LETM2: variants seen among roughly 807,000 people sequenced by gnomAD.
LETM2 encodes LETM1 domain-containing protein LETM2, mitochondrial.
A neutral mutation model predicts 59.6 loss-of-function variants in LETM2; 58 were observed. The ratio of observed to expected loss-of-function variants is 0.97; its 90% CI spans 0.79 to 1.21. LETM2 has a LOEUF of 1.21. Among genes scored for constraint, LETM2 ranks in the 50% most tolerant of loss-of-function variants. The pLI is 0.00. For synonymous variants in LETM2, 199 were observed against 214.1 expected (o/e 0.93, Z 0.62); for missense variants, 572 against 575.7 (o/e 0.99, Z 0.07).
At chr8:38,387,924 A>G in intron 1 of LETM2, 26 bp from the exon 2 acceptor site, 1 of 901,920 alleles carries the variant, frequency 1.1e-6, no homozygotes, top group Non-Finnish European at 1.7e-6. Flanking sequence ...AAACTACTAA[A>G]TTGTTTACTT....
chr8:38,386,515 C>G lies in LETM2; in HGVS notation c.-88C>G, dbSNP rs1198196629. 6.6e-6 allele frequency: 1 copy of G among 152,254 alleles called. No individual in the cohort carries two copies. Among genetic ancestry groups the G allele is most frequent in the African/African-American group, 2.4e-5 (1 of 41,420 alleles). The allele number at this position is 152,254 out of a possible 1,614,324, so 9.4% of individuals were successfully genotyped here. A position where few individuals can be genotyped will look rare whatever the true frequency, so the allele number is the denominator to read the frequency against. On this transcript the variant is annotated 5_prime_UTR_variant, in exon 1 of 11. Coordinates refer to ENST00000379957, the MANE Select transcript of LETM2 (RefSeq NM_001286819.2). ...TCGGGCCCTTCTAGCTTGGGGGTCC[C>G]GGGAAGGAGCTGGGAGGACCTAGGC...
chr8:38,382,460 G>C (rs751796291), upstream of LETM2: 1 of 152,416 alleles, frequency 6.6e-6, no homozygotes, highest in Non-Finnish European at 1.5e-5. This position sits in a 1 kb window ranked among gnomAD's most constrained non-coding sequence, Gnocchi z 4.2. Flanking sequence ...GCGTCTGGAC[G>C]ACTAGGGAGA....
rs1813509964 is a variant in LETM2 at position 38,404,289 on chromosome 8, G to A, written c.1105-104G>A. Reference sequence around the variant, plus strand: ...ATCACCTGAGCGGCTTGGCGGAAAGGGCGGGGGCGGTGGGAAGCTGTCAGC... The same window carrying A: ...ATCACCTGAGCGGCTTGGCGGAAAGAGCGGGGGCGGTGGGAAGCTGTCAGC... On this transcript the variant is annotated intron_variant, in intron 7 of 10. Coordinates refer to ENST00000379957, the MANE Select transcript of LETM2 (RefSeq NM_001286819.2). The A allele has an allele frequency of 5.1e-6, 4 of 780,292 alleles. No homozygotes were observed. In the South Asian group the frequency reaches 6.3e-5, roughly 12 times the overall value. 48.3% of individuals were successfully genotyped at this position (780,292 alleles called of 1,614,324 possible).
chr8:38,402,009 T>A (rs1813271659), intron 6 of LETM2, among the ~76,000 whole-genome samples: 1 of 152,094 alleles, frequency 6.6e-6, no homozygotes, highest in Admixed American at 6.6e-5. Flanking sequence ...AGCTTTGGAA[T>A]AAACAACACT....
chr8:38,383,635 G>A (rs1458866031), upstream of LETM2, among the ~76,000 whole-genome samples: 1 of 151,756 alleles, frequency 6.6e-6, no homozygotes, highest in Non-Finnish European at 1.5e-5. Flanking sequence ...TAGATACTGA[G>A]AATTATCAGT....
Position 38,400,937 on chromosome 8 carries a change from G to C in LETM2, c.868G>C (p.Asp290His). The C allele has an allele frequency of 6.2e-7, 1 of 1,614,184 alleles. No individual in the cohort carries two copies. The highest frequency in any genetic ancestry group is 8.5e-7 in the Non-Finnish European group (1 of 1,180,012). Reference sequence around the variant, plus strand: ...GGACCAGCTGGCCCTGGAACACTTAGATCGCCCTCAGCTGGTTGCCCTTTG... The same window carrying C: ...GGACCAGCTGGCCCTGGAACACTTACATCGCCCTCAGCTGGTTGCCCTTTG... The part of the protein sequence containing the change: ...FEDQLALEHL[D>H]RPQLVALCKL... The change falls in exon 6 of 11, where the codon GAT (aspartate) becomes CAT (histidine). Residue 290 changes from aspartate (D) to histidine (H), a missense_variant. Asp to His is a moderately conservative substitution (Grantham distance 81). Coordinates refer to ENST00000379957, the MANE Select transcript of LETM2 (RefSeq NM_001286819.2).
upstream of LETM2, among the ~76,000 whole-genome samples, chr8:38,384,575 A>T (rs1351954625): frequency 6.6e-6 from 1 of 152,218 alleles, no homozygotes; most frequent in Admixed American, 6.5e-5. Flanking sequence ...TTTTTTAAAA[A>T]TTTCTCTTCT....
In LETM2 at chr8:38,393,146, G is replaced by C. The variant is rs764214854; in HGVS notation, c.501+151G>C. 6.7e-4 allele frequency: 432 copies of C among 643,450 alleles called. 1 individual carries two copies. The highest frequency in any genetic ancestry group is 1.6e-3 in the Admixed American group (53 of 34,048). The allele number at this position is 643,450 out of a possible 1,614,324, so 39.9% of individuals were successfully genotyped here. A position where few individuals can be genotyped will look rare whatever the true frequency, so the allele number is the denominator to read the frequency against. The stretch of plus-strand genomic sequence containing the variant: ...GAGAACCAGTTTCTTGTCTGCAACC[G>C]ACTTACTGTACAACTTTAGTCAGTA... On this transcript the variant is annotated intron_variant, in intron 3 of 10. Transcript: ENST00000379957.
At chr8:38,401,549 C>T (rs1324015227) in intron 6 of LETM2, 1 of 167,350 alleles carries the variant, frequency 6.0e-6, no homozygotes, top group East Asian at 1.7e-4. Context: ...GAGGAGTTGT[C>T]ATCCCCTTAC....
chr8:38,406,973 T>C lies in LETM2; in HGVS notation c.1246T>C (p.Leu416=), dbSNP rs750539130. The C allele has an allele frequency of 6.2e-7, 1 of 1,611,310 alleles. No homozygotes were observed. Among genetic ancestry groups the C allele is most frequent in the South Asian group, 1.1e-5 (1 of 91,038 alleles). ...TCCAAAGACTGATATTCTTGTGGAA[T>C]TACCTACTTTCACTGAATCTAAAGA... The part of the protein sequence containing the change: ...EAPKTDILVE[L]PTFTESKENM... Residue 416 remains leucine, a synonymous_variant, in exon 9 of 11, where the codon TTA becomes CTA. Transcript: ENST00000379957.
At chr8:38,400,208 C>A in intron 4 of LETM2, 64 bp from the exon 5 acceptor site, 1 of 1,306,160 alleles carries the variant, frequency 7.7e-7, no homozygotes, top group African/African-American at 1.5e-5. Context: ...TATTTTTCTC[C>A]CATCTTTATC....
chr8:38,385,374 T>G (rs899620979), upstream of LETM2, among the ~76,000 whole-genome samples: 1 of 152,146 alleles, frequency 6.6e-6, no homozygotes, highest in African/African-American at 2.4e-5. Flanking sequence ...TGTATGGTGG[T>G]CGAGTAGAGC....
In LETM2 at chr8:38,386,562, C is replaced by T. The variant is rs1811788906; in HGVS notation, c.-41C>T. 6.6e-6 allele frequency: 1 copy of T among 152,166 alleles called. No individual in the cohort carries two copies. Among genetic ancestry groups the T allele is most frequent in the Admixed American group, 6.5e-5 (1 of 15,276 alleles). The allele number at this position is 152,166 out of a possible 1,614,324, so 9.4% of individuals were successfully genotyped here. On this transcript the variant is annotated 5_prime_UTR_variant, in exon 1 of 11. Transcript: ENST00000379957. ...AGGCGGCCGTTCCGCGGAGCCCGGC[C>T]GAGGAGGTAGGGGTGGGCAGGCCCA... is the stretch of plus-strand genomic sequence containing the variant.
At chr8:38,404,622 A>C in intron 8 of LETM2, 116 bp downstream of exon 8, 1 of 687,288 alleles carries the variant, frequency 1.5e-6, no homozygotes, top group East Asian at 2.7e-5. Context: ...TTAGAATTTG[A>C]CCCAACTGGC....
intron 10 of LETM2, 147 bp from the exon 11 acceptor site, chr8:38,408,065 C>T: frequency 1.6e-6 from 1 of 631,448 alleles, no homozygotes; most frequent in Non-Finnish European, 2.8e-6. Context: ...TTGTAAATCT[C>T]CTTTATCTTT....
At chr8:38,390,166 C>A (rs769435023) in intron 2 of LETM2, among the ~76,000 whole-genome samples, 5 of 151,976 alleles carry the variant, frequency 3.3e-5, no homozygotes, top group Non-Finnish European at 5.9e-5. Flanking sequence ...TCACACCACT[C>A]TACTCCAGCC....
upstream of LETM2, among the ~76,000 whole-genome samples, chr8:38,383,857 G>A (rs1365776673): frequency 1.3e-5 from 2 of 150,978 alleles, no homozygotes; most frequent in African/African-American, 2.4e-5. Context: ...GTGAACCCGG[G>A]AAGCGGAGCT....
chr8:38,397,383 T>C (rs1812775926), intron 4 of LETM2, among the ~76,000 whole-genome samples: 11 of 152,238 alleles, frequency 7.2e-5, no homozygotes, highest in Admixed American at 6.5e-4. Context: ...TTGGAAACTT[T>C]TTCACAGAAA....
upstream of LETM2, among the ~76,000 whole-genome samples, chr8:38,385,501 C>G (rs1330516698): frequency 6.6e-6 from 1 of 152,212 alleles, no homozygotes; most frequent in East Asian, 1.9e-4. Flanking sequence ...TCAAGCGATT[C>G]TCCTGCCTCA....
Sources: allele counts gnomAD v4.1 joint callset (sites outside exome capture counted in the v4.1 genomes callset), GRCh38; gene constraint gnomAD v4.1.1; non-coding constraint Gnocchi (gnomAD v3.1); transcripts MANE v1.5; gene names NCBI Gene and HGNC (gene_info 2026-07-23, HGNC 2026-07-21).